Variants in OPCML observed in about 807,000 individuals in gnomAD.
The protein encoded by OPCML is opioid binding protein/cell adhesion molecule like, also known as opioid-binding protein/cell adhesion molecule.
In OPCML, 13 loss-of-function variants were observed where a neutral mutation model predicts 37.8. The ratio of observed to expected loss-of-function variants is 0.34; its 90% confidence interval spans 0.22 to 0.55. The LOEUF is 0.55. Among genes scored for constraint, OPCML ranks in the 20% least tolerant of loss-of-function variants. OPCML has a pLI of 0.91. For missense variants in OPCML, 341 were observed against 435.6 expected (o/e 0.78, Z 1.93); for synonymous variants, 176 against 168.8 (o/e 1.04, Z -0.33).
At chr11:133,161,715 T>A (rs550476355) in intron 1 of OPCML, among the ~76,000 whole-genome samples, 1 of 152,342 alleles carries the variant, frequency 6.6e-6, no homozygotes, top group African/African-American at 2.4e-5. Flanking sequence ...TATGTGTATA[T>A]GTATATATAA....
At chr11:132,551,805 C>T (rs756672053) in intron 3 of OPCML, among the ~76,000 whole-genome samples, 2 of 152,172 alleles carry the variant, frequency 1.3e-5, no homozygotes, top group Non-Finnish European at 2.9e-5. Flanking sequence ...CCTGAGGAGA[C>T]CGATTTGAGT....
intron 1 of OPCML, among the ~76,000 whole-genome samples, chr11:133,169,176 C>A (rs1950254873): frequency 6.6e-6 from 1 of 152,134 alleles, no homozygotes; most frequent in South Asian, 2.1e-4. Context: ...TATAGTTATT[C>A]CATCTTCACT....
chr11:133,148,037 G>GC (rs1949922897), intron 1 of OPCML, among the ~76,000 whole-genome samples: 1 of 152,174 alleles, frequency 6.6e-6, no homozygotes, highest in African/African-American at 2.4e-5. Context: ...TCACCCTGGG[G>GC]CCACCAGGCA....
At chr11:132,424,602 G>A (rs992371919) in intron 7 of OPCML, among the ~76,000 whole-genome samples, 1 of 152,150 alleles carries the variant, frequency 6.6e-6, no homozygotes, top group South Asian at 2.1e-4. Flanking sequence ...GTCGCTGACC[G>A]CAATCTGGCA....
At chr11:132,934,088 G>A (rs1232328317) in intron 2 of OPCML, among the ~76,000 whole-genome samples, 1 of 152,202 alleles carries the variant, frequency 6.6e-6, no homozygotes, top group Non-Finnish European at 1.5e-5. Context: ...AAGCAGGGTA[G>A]ACAGGAGCAA....
At chr11:132,698,002 A>AT (rs1943662173) in intron 2 of OPCML, among the ~76,000 whole-genome samples, 1 of 145,624 alleles carries the variant, frequency 6.9e-6, no homozygotes, top group Non-Finnish European at 1.5e-5. Context: ...TTATTTATTT[A>AT]TTTATTTATT....
intron 2 of OPCML, among the ~76,000 whole-genome samples, chr11:132,900,242 A>G (rs1400391275): frequency 6.6e-6 from 1 of 152,140 alleles, no homozygotes; most frequent in African/African-American, 2.4e-5. Flanking sequence ...TATTTCGATG[A>G]ATGTTCCACC....
chr11:132,441,158 C>CTTTTTTGTTTTTTTTT (rs2096031651), intron 4 of OPCML, among the ~76,000 whole-genome samples: 6 of 108,058 alleles, frequency 5.6e-5, no homozygotes, highest in Non-Finnish European at 9.0e-5. Context: ...TCACCAAGGA[C>CTTTTTTGTTTTTTTTT]TTTTTTGTTT....
chr11:133,240,311 G>A (rs971570816), intron 1 of OPCML, among the ~76,000 whole-genome samples: 14 of 149,696 alleles, frequency 9.4e-5, no homozygotes, highest in Admixed American at 6.0e-4. Flanking sequence ...TGTATTTATC[G>A]TCCCTCAACT....
At chr11:132,899,915 G>A (rs1943988303) in intron 2 of OPCML, among the ~76,000 whole-genome samples, 1 of 152,058 alleles carries the variant, frequency 6.6e-6, no homozygotes, top group African/African-American at 2.4e-5. Flanking sequence ...ACTTAGCCCA[G>A]CAACCCCCAC....
rs552611660 is a variant in OPCML at position 132,802,971 on chromosome 11, A to G, written c.146+139955T>C. Among the ~76,000 whole-genome samples the G allele has an allele frequency of 7.2e-5, 11 of 152,288 alleles. No homozygotes were observed. In the East Asian group the frequency reaches 1.9e-3, roughly 27 times the overall value. On this transcript the variant is annotated intron_variant, in intron 2 of 7. Transcript: ENST00000524381. The stretch of plus-strand genomic sequence containing the variant: ...TTAAAGGTAGAAAAATAAGAACCAT[A>G]ACTTCTTTCTTCAGATGATCATAAC...
At chr11:133,382,702 A>G (rs1171433826) in intron 1 of OPCML, among the ~76,000 whole-genome samples, 4 of 152,120 alleles carry the variant, frequency 2.6e-5, no homozygotes, top group Non-Finnish European at 4.4e-5. Context: ...TCTTTAAGGG[A>G]ACATTGATTC....
At chr11:133,293,796 C>G (rs1283906394) in intron 1 of OPCML, among the ~76,000 whole-genome samples, 1 of 151,772 alleles carries the variant, frequency 6.6e-6, no homozygotes, top group Non-Finnish European at 1.5e-5. Flanking sequence ...CACAGGTGCC[C>G]ATTAGGGCTT....
chr11:133,372,927 T>C (rs2136756061), intron 1 of OPCML, among the ~76,000 whole-genome samples: 1 of 152,340 alleles, frequency 6.6e-6, no homozygotes, highest in East Asian at 1.9e-4. Context: ...GCATTTGAGT[T>C]GAAAATAATC....
At chr11:132,876,080 C>T (rs771201886) in intron 2 of OPCML, among the ~76,000 whole-genome samples, 17 of 152,302 alleles carry the variant, frequency 1.1e-4, no homozygotes, top group Non-Finnish European at 2.4e-4. Context: ...ACAAGTTTTG[C>T]AGGTCCTGGG....
intron 3 of OPCML, among the ~76,000 whole-genome samples, chr11:132,625,418 C>T (rs1283773766): frequency 6.6e-6 from 1 of 152,148 alleles, no homozygotes; most frequent in Non-Finnish European, 1.5e-5. Context: ...CTCCCTCTGT[C>T]AGCACTAATA....
chr11:132,472,344 CT>C (rs2096140669), intron 4 of OPCML, among the ~76,000 whole-genome samples: 1 of 152,156 alleles, frequency 6.6e-6, no homozygotes, highest in Admixed American at 6.5e-5. Flanking sequence ...GCAAATGGTT[CT>C]AGTTTGTGTC....
chr11:133,229,597 C>CA lies in OPCML; in HGVS notation c.62-286588dup, dbSNP rs551208778. 6.0e-4 allele frequency among the ~76,000 whole-genome samples: 91 copies of CA among 150,966 alleles called. No homozygotes were observed. In the South Asian group the frequency reaches 8.8e-3, roughly 15 times the overall value. On this transcript the variant is annotated intron_variant, in intron 1 of 7. Transcript: ENST00000524381. ...CACCGTTCTCAAATTAATAGGAAGACAAAAAAAATTGTATGCTGAGGTTAC... is the reference window on the plus strand; with the variant it reads ...CACCGTTCTCAAATTAATAGGAAGACAAAAAAAAATTGTATGCTGAGGTTAC...
chr11:132,420,903 G>A (rs955661490), intron 7 of OPCML, among the ~76,000 whole-genome samples: 5 of 152,072 alleles, frequency 3.3e-5, no homozygotes, highest in Admixed American at 1.3e-4. Flanking sequence ...CTCCCTAAAG[G>A]CCTTGAAGCA....
Sources: allele counts gnomAD v4.1 joint callset (sites outside exome capture counted in the v4.1 genomes callset), GRCh38; gene constraint gnomAD v4.1.1; transcripts MANE v1.5; gene names NCBI Gene and HGNC (gene_info 2026-07-23, HGNC 2026-07-21).